Variants in CUL5 observed in about 807,000 individuals in gnomAD.
CUL5 encodes the protein cullin 5, also known as cullin-5.
A neutral mutation model predicts 108.8 loss-of-function variants in CUL5; 26 were observed. The observed-to-expected ratio is 0.24, with a 90% confidence interval of 0.18 to 0.33. The LOEUF is 0.33. Ranked by LOEUF, CUL5 falls within the 10% of genes least tolerant of loss-of-function variation. The pLI is 1.00. For synonymous variants in CUL5, 334 were observed against 298.0 expected (o/e 1.12, Z -1.25); for missense variants, 524 against 909.2 (o/e 0.58, Z 5.45).
intron 11 of CUL5, among the ~76,000 whole-genome samples, chr11:108,081,329 C>G (rs1322353258): frequency 6.6e-6 from 1 of 152,094 alleles, no homozygotes; most frequent in African/African-American, 2.4e-5. Context: ...TTGACTTTTA[C>G]ATTTAAGTCA....
chr11:108,023,954 G>T (rs769903820), intron 1 of CUL5, among the ~76,000 whole-genome samples: 2 of 152,160 alleles, frequency 1.3e-5, no homozygotes, highest in Non-Finnish European at 1.5e-5. Flanking sequence ...TGTTTGAAAA[G>T]AAATGTCTTT....
intron 11 of CUL5, among the ~76,000 whole-genome samples, chr11:108,081,438 C>T (rs1864080359): frequency 6.6e-6 from 1 of 151,728 alleles, no homozygotes; most frequent in African/African-American, 2.4e-5. Context: ...ATTCATTGAA[C>T]AGTCTTTTCT....
chr11:108,010,314 T>C (rs1398230798), intron 1 of CUL5, among the ~76,000 whole-genome samples: 1 of 152,248 alleles, frequency 6.6e-6, no homozygotes, highest in Non-Finnish European at 1.5e-5. Flanking sequence ...TCCTGAGGCC[T>C]CTCATGCCTT....
chr11:108,021,306 T>C (rs551654460), intron 1 of CUL5, among the ~76,000 whole-genome samples: 1 of 152,222 alleles, frequency 6.6e-6, no homozygotes, highest in Non-Finnish European at 1.5e-5. Flanking sequence ...CAAAATGTTA[T>C]GGGCGTGTAA....
At chr11:108,017,751 GAGGC>G (rs376761076) in intron 1 of CUL5, among the ~76,000 whole-genome samples, 191 of 152,236 alleles carry the variant, frequency 1.3e-3, no homozygotes, top group African/African-American at 4.5e-3. Context: ...ATGGGAGGCT[GAGGC>G]AGGAGGATTG....
At chr11:108,049,349 A>G (rs1463484842) in intron 3 of CUL5, among the ~76,000 whole-genome samples, 1 of 151,028 alleles carries the variant, frequency 6.6e-6, no homozygotes, top group East Asian at 1.9e-4. Flanking sequence ...TCATTTGTTT[A>G]GTTTTTTTTC....
intron 2 of CUL5, among the ~76,000 whole-genome samples, chr11:108,037,592 A>G (rs1329736990): frequency 2.6e-5 from 4 of 152,218 alleles, no homozygotes; most frequent in Non-Finnish European, 5.9e-5. Context: ...GAGGAGTCAC[A>G]CATTAAGCTT....
chr11:108,046,104 T>A (rs1863061024), intron 2 of CUL5, among the ~76,000 whole-genome samples, 166 bp from the exon 3 acceptor site: 1 of 152,074 alleles, frequency 6.6e-6, no homozygotes, highest in Admixed American at 6.5e-5. Flanking sequence ...GAAACAAATG[T>A]GTATGTGAGG....
At chr11:108,084,177 G>T (rs1179450553) in intron 11 of CUL5, among the ~76,000 whole-genome samples, 1 of 152,132 alleles carries the variant, frequency 6.6e-6, no homozygotes, top group Admixed American at 6.6e-5. Context: ...AGTAGTTTGT[G>T]GTAGACCAGT....
At chr11:108,097,216 G>A (rs1197380584) in intron 16 of CUL5, among the ~76,000 whole-genome samples, 3 of 152,058 alleles carry the variant, frequency 2.0e-5, no homozygotes, top group South Asian at 2.1e-4. Context: ...GGGTTTTGCC[G>A]TGTTGCCCAG....
intron 12 of CUL5, 45 bp downstream of exon 12, chr11:108,088,704 T>A: frequency 6.8e-7 from 1 of 1,480,180 alleles, no homozygotes; most frequent in Non-Finnish European, 9.1e-7. Context: ...TACCTTACTT[T>A]GAATTTGTGT....
Position 108,106,036 on chromosome 11 carries a change from A to T in CUL5, c.*1652A>T, listed in dbSNP as rs1864791914. 6.6e-6 allele frequency: 1 copy of T among 152,160 alleles called. No individual in the cohort carries two copies. Among genetic ancestry groups the T allele is most frequent in the African/African-American group, 2.4e-5 (1 of 41,454 alleles). 9.4% of individuals were successfully genotyped at this position (152,160 alleles called of 1,614,324 possible). On this transcript the variant is annotated 3_prime_UTR_variant, in exon 19 of 19. Coordinates refer to ENST00000393094, the MANE Select transcript of CUL5 (RefSeq NM_003478.6). ...TATAGGAAATTGGAATTTTGTTTAA[A>T]ATTTTACACTTTAAGGTAGCAAATG... is the stretch of plus-strand genomic sequence containing the variant.
chr11:108,100,941 A>G (rs1591338089), intron 18 of CUL5, among the ~76,000 whole-genome samples: 1 of 152,140 alleles, frequency 6.6e-6, no homozygotes, highest in East Asian at 1.9e-4. Flanking sequence ...AGGCAGGGGA[A>G]TGGCTTGAAC....
Position 108,051,829 on chromosome 11 carries a change from C to A in CUL5, c.412-831C>A, listed in dbSNP as rs149598279. On this transcript the variant is annotated intron_variant, in intron 4 of 18. Transcript: ENST00000393094. The stretch of plus-strand genomic sequence containing the variant: ...GGAACTATAGGAGAATAAACATTTT[C>A]CATGTATTATCATAGTTAATTTTTA... Among the ~76,000 whole-genome samples, 6 of 152,250 alleles carry A rather than the reference C, an allele frequency of 3.9e-5. No individual in the cohort carries two copies. The East Asian group carries it at 1.2e-3, about 29-fold the overall frequency.
chr11:108,068,503 A>G (rs1182718978), intron 7 of CUL5, among the ~76,000 whole-genome samples: 1 of 152,102 alleles, frequency 6.6e-6, no homozygotes, highest in Non-Finnish European at 1.5e-5. Flanking sequence ...TTTACAATGT[A>G]GGAAGAACAG....
intron 1 of CUL5, among the ~76,000 whole-genome samples, chr11:108,020,714 CA>C (rs1239219442): frequency 6.6e-6 from 1 of 151,636 alleles, no homozygotes; most frequent in East Asian, 1.9e-4. Flanking sequence ...GTGTTATTTA[CA>C]AAAAAGTCAA....
intron 7 of CUL5, among the ~76,000 whole-genome samples, chr11:108,066,195 T>A (rs1278949119): frequency 6.6e-6 from 1 of 151,968 alleles, no homozygotes; most frequent in Non-Finnish European, 1.5e-5. Flanking sequence ...AAAAACAAAC[T>A]TAGCCAGGCG....
intron 1 of CUL5, among the ~76,000 whole-genome samples, chr11:108,016,519 G>A (rs1365399160): frequency 6.6e-6 from 1 of 152,124 alleles, no homozygotes; most frequent in East Asian, 1.9e-4. Flanking sequence ...CAAAGTGCTG[G>A]GATTACTGGC....
intron 5 of CUL5, 88 bp downstream of exon 5, chr11:108,052,889 T>C (rs891756165): frequency 2.0e-5 from 23 of 1,151,098 alleles, no homozygotes; most frequent in Middle Eastern, 4.3e-4. Flanking sequence ...TTAAGTTTAT[T>C]GGCATACAAA....
Sources: gnomAD v4.1 joint callset for allele counts (sites outside exome capture counted in the v4.1 genomes callset) on GRCh38, gnomAD v4.1.1 for gene constraint, MANE v1.5 for transcripts, NCBI Gene and HGNC (gene_info 2026-07-23, HGNC 2026-07-21) for gene names.